Variants in RASA3 observed in about 807,000 individuals in gnomAD.
RASA3 encodes ras GTPase-activating protein 3.
A neutral mutation model predicts 110.0 loss-of-function variants in RASA3; 73 were observed. The observed-to-expected ratio is 0.66, with a 90% CI of 0.55 to 0.81. The LOEUF (loss-of-function observed/expected upper bound fraction) is 0.81. Ranked by LOEUF, RASA3 falls within the 30% of genes least tolerant of loss-of-function variation. The pLI is 0.00. For missense variants in RASA3, 976 were observed against 1,113.2 expected, an observed-to-expected ratio of 0.88 and a Z score of 1.75; for synonymous variants, 500 against 451.4, an observed-to-expected ratio of 1.11 and a Z score of -1.37.
At chr13:114,070,722 G>C in intron 2 of RASA3, among the ~76,000 whole-genome samples, 1 of 143,434 alleles carries the variant, frequency 7.0e-6, no homozygotes, top group East Asian at 2.1e-4. Flanking sequence ...TCTTACACGT[G>C]GGCAGGGCTG....
At chr13:114,060,081 C>T (rs1169275275) in intron 2 of RASA3, among the ~76,000 whole-genome samples, 3 of 152,208 alleles carry the variant, frequency 2.0e-5, no homozygotes, top group African/African-American at 4.8e-5. Context: ...CCATGGACGG[C>T]GCGGAGAGCG....
intron 1 of RASA3, among the ~76,000 whole-genome samples, chr13:114,098,185 G>A (rs527754680): frequency 3.9e-5 from 6 of 152,288 alleles, no homozygotes; most frequent in South Asian, 4.1e-4. Flanking sequence ...GGGCTACAGC[G>A]GGCAGCCTGT....
chr13:114,041,087 C>T lies in RASA3; in HGVS notation c.285G>A (p.Val95=), dbSNP rs1448467021. The change falls in exon 4 of 24, where the codon GTG becomes GTA. Residue 95 remains valine, a synonymous_variant. Transcript: ENST00000334062. The part of the protein sequence containing the change: ...VFRRDSIIGK[V]AIQKEDLQKY... ...TCTGCAAGTCCTCCTTCTGGATGGCCACCTTCCCTGCAACACAAGCAGAGA... is the reference window on the plus strand; with the variant it reads ...TCTGCAAGTCCTCCTTCTGGATGGCTACCTTCCCTGCAACACAAGCAGAGA... 3.1e-6 allele frequency: 5 copies of T among 1,613,606 alleles called. No individual in the cohort carries two copies. Among genetic ancestry groups the T allele is most frequent in the Non-Finnish European group, 4.2e-6 (5 of 1,179,980 alleles).
intron 1 of RASA3, among the ~76,000 whole-genome samples, chr13:114,111,499 G>T (rs71449085): frequency 3.9e-4 from 42 of 106,696 alleles, no homozygotes; most frequent in East Asian, 2.5e-3. Context: ...CGAGCTGCAG[G>T]CCGAGTTCTA....
Position 114,052,040 on chromosome 13 carries a change from T to G in RASA3, c.277+12A>C. ...GCAGAAAAGGGGAAGTAAATGCTCATTCATCACCTACCTATGATGGAATCC... is the reference window on the plus strand; with the variant it reads ...GCAGAAAAGGGGAAGTAAATGCTCAGTCATCACCTACCTATGATGGAATCC... On this transcript the variant is annotated intron_variant, in intron 3 of 23. Coordinates refer to ENST00000334062, the MANE Select transcript of RASA3 (RefSeq NM_007368.4). 1 of 1,569,656 alleles carries G rather than the reference T, an allele frequency of 6.4e-7. No individual in the cohort carries two copies.
intron 1 of RASA3, among the ~76,000 whole-genome samples, chr13:114,089,924 G>A (rs2079870404): frequency 6.6e-6 from 1 of 151,746 alleles, no homozygotes; most frequent in Non-Finnish European, 1.5e-5. Flanking sequence ...GTGCCTGGCT[G>A]CTTTCACTGA....
chr13:114,030,167 C>T (rs1037940320), intron 4 of RASA3, among the ~76,000 whole-genome samples: 5 of 152,244 alleles, frequency 3.3e-5, no homozygotes, highest in Admixed American at 6.5e-5. Context: ...GTGAGGGGTC[C>T]AACCGTGTAG....
intron 2 of RASA3, among the ~76,000 whole-genome samples, chr13:114,061,389 G>A (rs777766309): frequency 2.6e-5 from 4 of 152,116 alleles, no homozygotes; most frequent in Non-Finnish European, 5.9e-5. Context: ...CTCAGAGAAC[G>A]GCTCTTTAAG....
At chr13:113,994,210 C>T (rs2053183966) in intron 21 of RASA3, among the ~76,000 whole-genome samples, 1 of 152,126 alleles carries the variant, frequency 6.6e-6, no homozygotes, top group Non-Finnish European at 1.5e-5. Context: ...TGGGTTTCTG[C>T]TAATGAACTG....
intron 1 of RASA3, among the ~76,000 whole-genome samples, chr13:114,082,268 C>CAG (rs1240071248): frequency 2.0e-5 from 3 of 152,250 alleles, no homozygotes; most frequent in African/African-American, 7.2e-5. Flanking sequence ...ACAGCAGAGC[C>CAG]AGAGCTGCAG....
At chr13:114,095,966 G>C (rs1180083609) in intron 1 of RASA3, among the ~76,000 whole-genome samples, 3 of 152,218 alleles carry the variant, frequency 2.0e-5, no homozygotes, top group Non-Finnish European at 4.4e-5. Flanking sequence ...ATAAAACCAC[G>C]ATCCTCTTTG....
intron 1 of RASA3, among the ~76,000 whole-genome samples, chr13:114,099,577 C>G (rs1366357186): frequency 6.6e-6 from 1 of 150,986 alleles, no homozygotes; most frequent in African/African-American, 2.4e-5. Context: ...CTGTTTAAAA[C>G]TGGCCCAAAT....
chr13:114,034,618 C>T (rs1314268329), intron 4 of RASA3, among the ~76,000 whole-genome samples: 1 of 152,254 alleles, frequency 6.6e-6, no homozygotes, highest in African/African-American at 2.4e-5. Flanking sequence ...ACAAAACCCA[C>T]CCCTGGAAGG....
intron 1 of RASA3, among the ~76,000 whole-genome samples, chr13:114,109,115 G>GGCAGGCGGC (rs2080180683): frequency 6.6e-6 from 1 of 152,196 alleles, no homozygotes; most frequent in Non-Finnish European, 1.5e-5. Flanking sequence ...TAAGCCAGAG[G>GGCAGGCGGC]GCAGGCGGCA....
At chr13:114,052,627 C>T (rs893601308) in intron 2 of RASA3, among the ~76,000 whole-genome samples, 3 of 152,216 alleles carry the variant, frequency 2.0e-5, no homozygotes, top group Non-Finnish European at 4.4e-5. Flanking sequence ...GCCGCCCTCA[C>T]TCCTCGGGGA....
chr13:114,011,299 T>A lies in RASA3; in HGVS notation c.1513-51A>T. 6.8e-7 allele frequency: 1 copy of A among 1,477,920 alleles called. No individual in the cohort carries two copies. Among genetic ancestry groups the A allele is most frequent in the Non-Finnish European group, 9.4e-7 (1 of 1,062,978 alleles). The allele number at this position is 1,477,920 out of a possible 1,614,324, so 91.6% of individuals were successfully genotyped here. A position where few individuals can be genotyped will look rare whatever the true frequency, so the allele number is the denominator to read the frequency against. On this transcript the variant is annotated intron_variant, in intron 15 of 23. Transcript: ENST00000334062. The surrounding 1 kb of genome is among the most constrained non-coding windows in gnomAD (Gnocchi z 4.8). ...CTATGTCAGCATCACAGAAATGCTGTGACTGTCCCAGATCGAGGGGACGAA... is the reference window on the plus strand; with the variant it reads ...CTATGTCAGCATCACAGAAATGCTGAGACTGTCCCAGATCGAGGGGACGAA...
At chr13:114,047,967 C>G (rs750450192) in intron 3 of RASA3, among the ~76,000 whole-genome samples, 1 of 152,220 alleles carries the variant, frequency 6.6e-6, no homozygotes, top group Non-Finnish European at 1.5e-5. Flanking sequence ...AAGGCTACAC[C>G]TAACAGTGAA....
chr13:114,118,446 TG>T (rs1157914522), intron 1 of RASA3, among the ~76,000 whole-genome samples: 2 of 152,228 alleles, frequency 1.3e-5, no homozygotes, highest in Non-Finnish European at 2.9e-5. Flanking sequence ...TGTTGCCTTT[TG>T]GTGGGTGACC....
At chr13:114,028,860 G>A (rs183338263) in intron 5 of RASA3, among the ~76,000 whole-genome samples, 101 of 19,518 alleles carry the variant, frequency 5.2e-3, no homozygotes, top group African/African-American at 7.1e-3. Flanking sequence ...CCTCTAAAAC[G>A]GCATCATCCT....
Sources: allele counts gnomAD v4.1 joint callset (sites outside exome capture counted in the v4.1 genomes callset), GRCh38; gene constraint gnomAD v4.1.1; non-coding constraint Gnocchi (gnomAD v3.1); transcripts MANE v1.5; gene names NCBI Gene and HGNC (gene_info 2026-07-23, HGNC 2026-07-21).